AMBRA1: variants seen among roughly 807,000 people sequenced by gnomAD.
The protein encoded by AMBRA1 is autophagy and beclin 1 regulator 1, also known as activating molecule in BECN1-regulated autophagy protein 1.
A neutral mutation model predicts 125.4 loss-of-function variants in AMBRA1; 47 were observed. The observed-to-expected ratio is 0.37, with a 90% confidence interval of 0.30 to 0.48. The LOEUF is 0.48. Ranked by LOEUF, AMBRA1 falls within the 20% of genes least tolerant of loss-of-function variation. AMBRA1 has a pLI of 0.99. For missense variants in AMBRA1, 1,331 were observed against 1,693.4 expected (o/e 0.79, Z 3.76); for synonymous variants, 626 against 655.5 (o/e 0.95, Z 0.69).
intron 17 of AMBRA1, among the ~76,000 whole-genome samples, chr11:46,406,589 A>G (rs1298751358): frequency 6.6e-6 from 1 of 152,020 alleles, no homozygotes; most frequent in African/African-American, 2.4e-5. Flanking sequence ...ACAAACACAC[A>G]TAAGGGGCTG....
intron 11 of AMBRA1, among the ~76,000 whole-genome samples, chr11:46,469,308 A>T (rs1949473074): frequency 6.6e-6 from 1 of 152,216 alleles, no homozygotes. Context: ...CATTGTTTTT[A>T]TAACAGAATT....
rs747367578 is a variant in AMBRA1 at position 46,543,107 on chromosome 11, G to T, written c.910C>A (p.His304Asn). Residue 304 changes from histidine (H) to asparagine (N), a missense_variant, in exon 7 of 18, where the codon CAC becomes AAC. By Grantham distance (68) the His-to-Asn change is moderately conservative (BLOSUM62 1). Transcript: ENST00000683756. ...VSYPTAECCQ[H>N]LGILCLCSRC... is the part of the protein sequence containing the mutation. ...CTGCAAAGGCACAGGATCCCAAGGT[G>T]CTGGCAGCACTCAGCTGTGGGGTAA... is the stretch of plus-strand genomic sequence containing the variant. 1 of 1,581,394 alleles carries T rather than the reference G, an allele frequency of 6.3e-7. No individual in the cohort carries two copies. Among genetic ancestry groups the T allele is most frequent in the South Asian group, 1.1e-5 (1 of 89,404 alleles).
chr11:46,543,485 C>T, intron 6 of AMBRA1, 87 bp from the exon 7 acceptor site: 14 of 1,508,534 alleles, frequency 9.3e-6, no homozygotes, highest in Non-Finnish European at 1.3e-5. Flanking sequence ...TAACCACTGA[C>T]AATCATCCAA....
intron 14 of AMBRA1, among the ~76,000 whole-genome samples, chr11:46,423,984 A>G (rs1946990406): frequency 6.8e-6 from 1 of 147,994 alleles, no homozygotes; most frequent in Admixed American, 6.8e-5. Flanking sequence ...GCTGGTCTCG[A>G]ACTCCTAATC....
At chr11:46,544,699 G>A (rs1952915652) in intron 5 of AMBRA1, among the ~76,000 whole-genome samples, 1 of 152,080 alleles carries the variant, frequency 6.6e-6, no homozygotes, top group Non-Finnish European at 1.5e-5. Flanking sequence ...ATCCAAAACA[G>A]TTAGCTTTGA....
intron 11 of AMBRA1, among the ~76,000 whole-genome samples, chr11:46,446,191 A>AT (rs996349036): frequency 3.9e-5 from 6 of 152,014 alleles, no homozygotes; most frequent in East Asian, 1.9e-4. Flanking sequence ...AAGGAGAGTC[A>AT]TTTTTTTTGT....
intron 14 of AMBRA1, among the ~76,000 whole-genome samples, chr11:46,420,022 T>C (rs1305571001): frequency 9.5e-4 from 2 of 2,104 alleles, no homozygotes; most frequent in Non-Finnish European, 1.8e-3. Context: ...ACACACACAC[T>C]CTTCCAGGTG....
At chr11:46,539,395 T>C (rs1952630893) in intron 7 of AMBRA1, among the ~76,000 whole-genome samples, 1 of 151,936 alleles carries the variant, frequency 6.6e-6, no homozygotes. Context: ...CCGTCTCTAC[T>C]AAAAATACAA....
At chr11:46,438,424 T>C (rs1317285704) in intron 12 of AMBRA1, among the ~76,000 whole-genome samples, 1 of 152,188 alleles carries the variant, frequency 6.6e-6, no homozygotes, top group Non-Finnish European at 1.5e-5. Flanking sequence ...CTCCATAAAT[T>C]ATAAACAAAC....
At chr11:46,461,518 A>C (rs1949086815) in intron 11 of AMBRA1, among the ~76,000 whole-genome samples, 1 of 152,206 alleles carries the variant, frequency 6.6e-6, no homozygotes, top group African/African-American at 2.4e-5. Flanking sequence ...CCACAATCTT[A>C]AGCCTTGACC....
chr11:46,476,356 AG>A (rs1949812151), intron 11 of AMBRA1, among the ~76,000 whole-genome samples: 1 of 152,196 alleles, frequency 6.6e-6, no homozygotes, highest in Non-Finnish European at 1.5e-5. Flanking sequence ...CGGCAGAGCA[AG>A]CACACTGTTT....
At chr11:46,574,837 A>G (rs1020133268) in intron 1 of AMBRA1, among the ~76,000 whole-genome samples, 2 of 152,182 alleles carry the variant, frequency 1.3e-5, no homozygotes, top group Admixed American at 6.6e-5. Context: ...ACAAAAAACA[A>G]TGTTTCACTT....
intron 11 of AMBRA1, among the ~76,000 whole-genome samples, chr11:46,487,877 G>C (rs1427842654): frequency 1.3e-5 from 2 of 152,054 alleles, no homozygotes; most frequent in African/African-American, 4.8e-5. Flanking sequence ...TGTCAGACTA[G>C]ATAAAAAACA....
At chr11:46,588,391 T>C (rs1175830849) in intron 1 of AMBRA1, among the ~76,000 whole-genome samples, 2 of 152,158 alleles carry the variant, frequency 1.3e-5, no homozygotes, top group Non-Finnish European at 2.9e-5. Flanking sequence ...CTGTTCATTG[T>C]TGTTGTAAAA....
chr11:46,462,744 T>C (rs529275153), intron 11 of AMBRA1, among the ~76,000 whole-genome samples: 1 of 152,066 alleles, frequency 6.6e-6, no homozygotes, highest in East Asian at 1.9e-4. Context: ...CTTTCTCAAA[T>C]AATTCACCCC....
At chr11:46,483,102 A>G (rs953830980) in intron 11 of AMBRA1, among the ~76,000 whole-genome samples, 31 of 152,270 alleles carry the variant, frequency 2.0e-4, no homozygotes, top group Non-Finnish European at 7.4e-5. Flanking sequence ...AGACAGTAGA[A>G]GTGATGCTGG....
At chr11:46,534,420 G>A (rs1004465905) in intron 7 of AMBRA1, among the ~76,000 whole-genome samples, 6 of 151,982 alleles carry the variant, frequency 3.9e-5, no homozygotes, top group Non-Finnish European at 7.4e-5. Context: ...ACTTGAACCC[G>A]GGAGGCGGAG....
chr11:46,428,838 G>A lies in AMBRA1; in HGVS notation c.2976+4636C>T, dbSNP rs12288189. The A allele has an allele frequency of 9.1e-5, 147 of 1,611,320 alleles. No homozygotes were observed. In the African/African-American group the frequency reaches 1.6e-3, roughly 18 times the overall value. On this transcript the variant is annotated intron_variant, in intron 14 of 17. Coordinates refer to ENST00000683756, the MANE Select transcript of AMBRA1 (RefSeq NM_001387011.1). The stretch of plus-strand genomic sequence containing the variant: ...CGCTCACCCTCCAGACCTTTAGGCC[G>A]AGGCCTGCCAGTCTCTGGACGGCTA...
intron 1 of AMBRA1, among the ~76,000 whole-genome samples, chr11:46,581,796 TCA>T (rs1565322271): frequency 9.3e-5 from 4 of 43,112 alleles, no homozygotes; most frequent in African/African-American, 4.9e-4. Flanking sequence ...CAAAACTCCA[TCA>T]AAAAAAAAAA....
Sources: allele counts gnomAD v4.1 joint callset (sites outside exome capture counted in the v4.1 genomes callset), GRCh38; gene constraint gnomAD v4.1.1; transcripts MANE v1.5; gene names NCBI Gene and HGNC (gene_info 2026-07-23, HGNC 2026-07-21).